Variants in UGT1A10 observed in about 807,000 individuals in gnomAD.
The protein encoded by UGT1A10 is UDP glucuronosyltransferase family 1 member A10.
Under a neutral mutation model 45.8 loss-of-function variants are expected in UGT1A10, and 49 were observed. The observed-to-expected ratio is 1.07, with a 90% CI of 0.85 to 1.36. UGT1A10 has a LOEUF of 1.36. UGT1A10 is among the 40% of genes most tolerant of loss of function. The pLI is 0.00. For synonymous variants in UGT1A10, 284 were observed against 249.7 expected (o/e 1.14, Z -1.29); for missense variants, 745 against 668.6 (o/e 1.11, Z -1.26).
chr2:233,760,847 C>A, intron 1 of UGT1A10: 1 of 1,614,018 alleles, frequency 6.2e-7, no homozygotes, highest in South Asian at 1.1e-5. Flanking sequence ...ACCCAGTGCC[C>A]CAACCCATTC....
At chr2:233,720,101 A>G (rs12468356) in intron 1 of UGT1A10, among the ~76,000 whole-genome samples, 12,183 of 152,260 alleles carry the variant, frequency 0.08, 621 homozygotes, top group East Asian at 0.2. Flanking sequence ...TAGTGGTCCC[A>G]TCTTGCGAAA....
At chr2:233,762,334 T>A (rs2125997251) in intron 1 of UGT1A10, among the ~76,000 whole-genome samples, 1 of 152,328 alleles carries the variant, frequency 6.6e-6, no homozygotes, top group Middle Eastern at 3.4e-3. Context: ...CCACAATAGC[T>A]CTTTTTAGTT....
chr2:233,671,990 C>T (rs778657995), intron 1 of UGT1A10: 1 of 1,614,096 alleles, frequency 6.2e-7, no homozygotes, highest in Non-Finnish European at 8.5e-7. Context: ...CTGCTGCTGA[C>T]CTGTGGCTTT....
chr2:233,767,305 G>GT (rs1444114295), intron 2 of UGT1A10, 140 bp downstream of exon 2: 37 of 1,518,952 alleles, frequency 2.4e-5, no homozygotes, highest in Admixed American at 1.8e-4. Flanking sequence ...TAATCCAAAG[G>GT]TTTTTTTTGT....
chr2:233,747,244 T>C lies in UGT1A10; in HGVS notation c.856-19790T>C, dbSNP rs911449982. The stretch of plus-strand genomic sequence containing the variant: ...CACAGGACCCCAGGTTCCCCTGCTG[T>C]GGCTGGCCACAGGAGTGCTACTCCT... On this transcript the variant is annotated intron_variant, in intron 1 of 4. Coordinates refer to ENST00000344644, the MANE Select transcript of UGT1A10 (RefSeq NM_019075.4). 6 of 1,602,806 alleles carry C rather than the reference T, an allele frequency of 3.7e-6. No homozygotes were observed. The African/African-American group carries it at 5.4e-5, about 14-fold the overall frequency.
At position 233,636,728 on chromosome 2, in the gene UGT1A10, C is replaced by G. The variant is rs146289100; in HGVS notation, c.206C>G (p.Ser69Ter). 1.2e-6 allele frequency: 2 copies of G among 1,614,034 alleles called. No individual in the cohort carries two copies. Among genetic ancestry groups the G allele is most frequent in the African/African-American group, 2.7e-5 (2 of 74,902 alleles). ...GAGGTGAGTTGGCAACTGGAAAGAT[C>G]ACTGAATTGCACAGTGAAGACTTAC... is the stretch of plus-strand genomic sequence containing the variant. ...MPEVSWQLER[S>*]LNCTVKTYST... The change falls in exon 1 of 5, where the codon TCA (serine) becomes TGA (stop). Residue 69 changes from serine (S) to a stop codon, truncating the protein, a stop_gained. Transcript: ENST00000344644. LOFTEE classifies it high-confidence loss of function.
chr2:233,689,913 C>A (rs1222600781), intron 1 of UGT1A10: 1 of 456,674 alleles, frequency 2.2e-6, no homozygotes, highest in Admixed American at 2.3e-5. Context: ...AGGTAGGTGC[C>A]TGGAATTTCC....
chr2:233,711,924 T>G (rs1042429850), intron 1 of UGT1A10, among the ~76,000 whole-genome samples: 1 of 152,216 alleles, frequency 6.6e-6, no homozygotes, highest in African/African-American at 2.4e-5. Context: ...GCTCAGGGTC[T>G]CTCCATTAGA....
chr2:233,681,395 A>G (rs4530361), intron 1 of UGT1A10, among the ~76,000 whole-genome samples: 51,553 of 151,486 alleles, frequency 0.34, 9,174 homozygotes, highest in South Asian at 0.41. Flanking sequence ...TTAGCTGGGC[A>G]TGGCAGCGTG....
chr2:233,676,773 A>G (rs1266780770), intron 1 of UGT1A10, among the ~76,000 whole-genome samples: 5 of 152,190 alleles, frequency 3.3e-5, no homozygotes, highest in African/African-American at 1.2e-4. Context: ...TTTTGGTAGG[A>G]AGACACAGAG....
At chr2:233,759,701 C>T (rs910973902) in intron 1 of UGT1A10, among the ~76,000 whole-genome samples, 5 of 149,762 alleles carry the variant, frequency 3.3e-5, no homozygotes, top group Non-Finnish European at 5.9e-5. Context: ...CACCTCATGG[C>T]GCGTGCTCGT....
intron 1 of UGT1A10, among the ~76,000 whole-genome samples, chr2:233,659,937 A>C (rs1442589977): frequency 6.6e-6 from 1 of 152,150 alleles, no homozygotes; most frequent in Non-Finnish European, 1.5e-5. Flanking sequence ...CACTCATCTC[A>C]TCAAGTCATC....
chr2:233,695,895 G>A (rs904649392), intron 1 of UGT1A10, among the ~76,000 whole-genome samples: 2 of 152,170 alleles, frequency 1.3e-5, no homozygotes, highest in African/African-American at 4.8e-5. Flanking sequence ...GTGAACAAAT[G>A]TGTGGGGTTT....
intron 1 of UGT1A10, chr2:233,713,399 C>T (rs2076318102): frequency 1.2e-6 from 2 of 1,614,000 alleles, no homozygotes; most frequent in Non-Finnish European, 1.7e-6. Flanking sequence ...ATAATGAGGC[C>T]CTGATCAGGC....
chr2:233,719,036 G>T lies in UGT1A10; in HGVS notation c.856-47998G>T, dbSNP rs148862762. Reference sequence around the variant, plus strand: ...AGGTGAATATGCACATCAAAGAAGAGAAATTTTTCACCCTGACAGCCTATG... The same window carrying T: ...AGGTGAATATGCACATCAAAGAAGATAAATTTTTCACCCTGACAGCCTATG... On this transcript the variant is annotated intron_variant, in intron 1 of 4. Transcript: ENST00000344644. 1.2e-4 allele frequency: 194 copies of T among 1,614,156 alleles called. 1 individual carries two copies. The highest frequency in any genetic ancestry group is 3.6e-5 in the Non-Finnish European group (43 of 1,180,050).
At chr2:233,757,944 T>C (rs1201251132) in intron 1 of UGT1A10, among the ~76,000 whole-genome samples, 1 of 152,112 alleles carries the variant, frequency 6.6e-6, no homozygotes, top group Non-Finnish European at 1.5e-5. Context: ...ACCATCATAT[T>C]GCTGCCCTGC....
At chr2:233,688,755 A>G (rs1007191956) in intron 1 of UGT1A10, among the ~76,000 whole-genome samples, 1 of 152,224 alleles carries the variant, frequency 6.6e-6, no homozygotes, top group Non-Finnish European at 1.5e-5. Context: ...GCCATAATCA[A>G]ATGAACATGG....
Position 233,748,080 on chromosome 2 carries a change from G to A in UGT1A10, c.856-18954G>A, listed in dbSNP as rs1693856955. The stretch of plus-strand genomic sequence containing the variant: ...TGCCAACAGGAAGCCACTATCTCAG[G>A]TCGGTGTTCGTGCCTTCATCCAATC... On this transcript the variant is annotated intron_variant, in intron 1 of 4. Transcript: ENST00000344644. The A allele has an allele frequency of 1.2e-5, 19 of 1,613,008 alleles. 1 individual carries two copies. In the Admixed American group the frequency reaches 3.2e-4, roughly 27 times the overall value.
intron 1 of UGT1A10, among the ~76,000 whole-genome samples, chr2:233,642,723 AG>A (rs1464658009): frequency 6.6e-6 from 1 of 152,196 alleles, no homozygotes; most frequent in Non-Finnish European, 1.5e-5. Flanking sequence ...TTTCTGCTTT[AG>A]GGGGCACCCC....
Sources: allele counts gnomAD v4.1 joint callset (sites outside exome capture counted in the v4.1 genomes callset), GRCh38; gene constraint gnomAD v4.1.1; transcripts MANE v1.5; gene names NCBI Gene and HGNC (gene_info 2026-07-23, HGNC 2026-07-21).